ADAMTSL1: variants seen among roughly 807,000 people sequenced by gnomAD.
ADAMTSL1 encodes the protein ADAMTS like 1.
In ADAMTSL1, 126 loss-of-function variants were observed where a neutral mutation model predicts 201.8. That is an observed-to-expected ratio of 0.62 (90% CI 0.54 to 0.72). The LOEUF is 0.72. ADAMTSL1 is among the 30% of genes least tolerant of loss of function. ADAMTSL1 has a pLI of 0.00. For synonymous variants in ADAMTSL1, 1,121 were observed against 903.4 expected (o/e 1.24, Z -4.32); for missense variants, 2,679 against 2,277.8 (o/e 1.18, Z -3.59).
intron 2 of ADAMTSL1, among the ~76,000 whole-genome samples, chr9:18,411,303 C>A (rs1031938772): frequency 6.6e-6 from 1 of 151,678 alleles, no homozygotes; most frequent in African/African-American, 2.4e-5. Context: ...CTCAAACGAC[C>A]CTTCCACTTC....
chr9:18,667,262 A>G (rs1270929085), intron 9 of ADAMTSL1, among the ~76,000 whole-genome samples: 1 of 150,124 alleles, frequency 6.7e-6, no homozygotes, highest in Non-Finnish European at 1.5e-5. Context: ...AGTAAATTGC[A>G]TAAATTGTCT....
At chr9:18,871,074 G>A (rs1208503415) in intron 23 of ADAMTSL1, among the ~76,000 whole-genome samples, 1 of 152,094 alleles carries the variant, frequency 6.6e-6, no homozygotes, top group Non-Finnish European at 1.5e-5. Flanking sequence ...AGAGATAGGT[G>A]TCCATGGCAT....
At chr9:18,241,913 A>G (rs541319325) in intron 2 of ADAMTSL1, among the ~76,000 whole-genome samples, 108 of 152,266 alleles carry the variant, frequency 7.1e-4, no homozygotes, top group African/African-American at 2.5e-3. Context: ...TCATGCCTTC[A>G]TAGTTGAATT....
intron 2 of ADAMTSL1, among the ~76,000 whole-genome samples, chr9:18,379,490 A>G (rs190099131): frequency 5.3e-5 from 8 of 152,184 alleles, no homozygotes; most frequent in Admixed American, 2.0e-4. Context: ...TCTATTTTGT[A>G]GAATGGAAGC....
At chr9:18,889,509 T>G in intron 24 of ADAMTSL1, 59 bp from the exon 25 acceptor site, 2 of 1,572,644 alleles carry the variant, frequency 1.3e-6, no homozygotes, top group Non-Finnish European at 8.7e-7. Context: ...TCAGAAGGAA[T>G]TCAGAGTGTG....
intron 1 of ADAMTSL1, among the ~76,000 whole-genome samples, chr9:18,112,328 G>A (rs1825058887): frequency 1.3e-5 from 2 of 151,970 alleles, no homozygotes; most frequent in Admixed American, 6.6e-5. Context: ...CTCCCCGAGG[G>A]GACGTACTCC....
chr9:18,360,187 A>G (rs1836455364), intron 2 of ADAMTSL1, among the ~76,000 whole-genome samples: 1 of 152,068 alleles, frequency 6.6e-6, no homozygotes, highest in East Asian at 1.9e-4. Context: ...CTGATCCCCA[A>G]GCAGCTGCCT....
rs140452330 is a variant in ADAMTSL1 at position 18,280,238 on chromosome 9, A to G, written c.207+116257A>G. Among the ~76,000 whole-genome samples the G allele has an allele frequency of 2.0e-3, 306 of 152,124 alleles. 1 individual carries two copies. Among genetic ancestry groups the G allele is most frequent in the African/African-American group, 6.7e-3 (277 of 41,528 alleles). ...TGGGGTGGGTCTGAATGCTGGGTCC[A>G]TGGGTGCTGGCCTGAAGTTTAGGGC... On this transcript the variant is annotated intron_variant, in intron 2 of 29. Transcript: ENST00000680146.
At chr9:18,475,295 T>C (rs1323759004) in intron 1 of ADAMTSL1, among the ~76,000 whole-genome samples, 2 of 152,202 alleles carry the variant, frequency 1.3e-5, no homozygotes, top group Non-Finnish European at 2.9e-5. Flanking sequence ...ATAGGTTGCA[T>C]TGATTCCTTG....
chr9:18,290,790 T>TGTTTTTTTC (rs1241644414), intron 2 of ADAMTSL1, among the ~76,000 whole-genome samples: 2 of 148,996 alleles, frequency 1.3e-5, no homozygotes, highest in Non-Finnish European at 3.0e-5. Flanking sequence ...TGTTTTTTTT[T>TGTTTTTTTC]TTTTTTTTTG....
At chr9:18,178,752 C>T (rs1176402434) in intron 2 of ADAMTSL1, among the ~76,000 whole-genome samples, 1 of 152,138 alleles carries the variant, frequency 6.6e-6, no homozygotes, top group Non-Finnish European at 1.5e-5. Flanking sequence ...GGGAGGCACC[C>T]CCAAGCAGGG....
intron 1 of ADAMTSL1, among the ~76,000 whole-genome samples, chr9:17,923,574 G>A (rs1167149271): frequency 6.7e-6 from 1 of 149,354 alleles, no homozygotes; most frequent in Non-Finnish European, 1.5e-5. Flanking sequence ...CTGCAAACAG[G>A]GACAATTTGA....
At chr9:18,043,149 A>G (rs532792378) in intron 1 of ADAMTSL1, among the ~76,000 whole-genome samples, 18 of 152,256 alleles carry the variant, frequency 1.2e-4, no homozygotes, top group East Asian at 1.2e-3. Context: ...GATATTTACA[A>G]TGGTGTATAT....
intron 20 of ADAMTSL1, among the ~76,000 whole-genome samples, chr9:18,807,653 A>C (rs532151749): frequency 1.0e-4 from 15 of 145,650 alleles, no homozygotes; most frequent in Admixed American, 1.0e-3. Context: ...CTCAAAAAAA[A>C]AAAAACAAAA....
chr9:17,915,120 A>G (rs1416816034), intron 1 of ADAMTSL1, among the ~76,000 whole-genome samples: 3 of 152,176 alleles, frequency 2.0e-5, no homozygotes, highest in Non-Finnish European at 4.4e-5. Context: ...TGACATATGC[A>G]TATATTCATG....
chr9:18,205,025 C>G (rs58377680), intron 2 of ADAMTSL1, among the ~76,000 whole-genome samples: 2,776 of 152,222 alleles, frequency 0.018, 89 homozygotes, highest in African/African-American at 0.062. Context: ...GTCTCACAAT[C>G]TGAGGAAGAG....
chr9:18,350,653 T>C (rs950672812), intron 2 of ADAMTSL1, among the ~76,000 whole-genome samples: 1 of 152,166 alleles, frequency 6.6e-6, no homozygotes, highest in Non-Finnish European at 1.5e-5. Flanking sequence ...CTTTTGGCGT[T>C]AATTATTTCA....
At chr9:18,847,765 T>C (rs921111259) in intron 23 of ADAMTSL1, among the ~76,000 whole-genome samples, 2 of 152,202 alleles carry the variant, frequency 1.3e-5, no homozygotes, top group African/African-American at 4.8e-5. Context: ...AAGGCCAGTG[T>C]GGCCACAATG....
At chr9:18,676,910 C>T (rs976379744) in intron 10 of ADAMTSL1, among the ~76,000 whole-genome samples, 1 of 152,022 alleles carries the variant, frequency 6.6e-6, no homozygotes, top group African/African-American at 2.4e-5. Context: ...TCATCTAGTG[C>T]AACTCCCCAT....
Sources: allele counts gnomAD v4.1 joint callset (sites outside exome capture counted in the v4.1 genomes callset), GRCh38; gene constraint gnomAD v4.1.1; transcripts MANE v1.5; gene names NCBI Gene and HGNC (gene_info 2026-07-23, HGNC 2026-07-21).